The following ATP6V1D variants were observed in gnomAD, a reference collection of about 807,000 sequenced individuals.
ATP6V1D encodes ATPase H+ transporting V1 subunit D.
In ATP6V1D, 20 loss-of-function variants were observed where a neutral mutation model predicts 39.4. The ratio of observed to expected loss-of-function variants is 0.51; its 90% CI spans 0.36 to 0.74. ATP6V1D has a LOEUF of 0.74. ATP6V1D is among the 30% of genes least tolerant of loss of function. The pLI is 0.00. For missense variants in ATP6V1D, 228 were observed against 291.6 expected (o/e 0.78, Z 1.59); for synonymous variants, 100 against 100.5 (o/e 0.99, Z 0.03).
chr14:67,355,624 G>A lies in ATP6V1D; in HGVS notation c.42-2584C>T, dbSNP rs113646332. On this transcript the variant is annotated intron_variant, in intron 1 of 8. Coordinates refer to ENST00000216442, the MANE Select transcript of ATP6V1D (RefSeq NM_015994.4). ...TCTTAAGAGACTAGAACAGCCAAAG[G>A]AGCCAGTTATAAGTTCCGGGGAAAG... is the stretch of plus-strand genomic sequence containing the variant. 7.7e-3 allele frequency among the ~76,000 whole-genome samples: 1,167 copies of A among 152,132 alleles called. 14 individuals carry two copies. Among genetic ancestry groups the A allele is most frequent in the African/African-American group, 0.025 (1,053 of 41,510 alleles).
intron 1 of ATP6V1D, among the ~76,000 whole-genome samples, chr14:67,356,723 T>C (rs2085687421): frequency 6.6e-6 from 1 of 152,180 alleles, no homozygotes; most frequent in Non-Finnish European, 1.5e-5. Flanking sequence ...CCCAAACATG[T>C]GCCTCCCCTT....
chr14:67,359,160 C>A (rs17184217), intron 1 of ATP6V1D, among the ~76,000 whole-genome samples: 1 of 152,138 alleles, frequency 6.6e-6, no homozygotes, highest in Non-Finnish European at 1.5e-5. Flanking sequence ...AGATCGAATC[C>A]GAGGGCTATG....
At chr14:67,341,529 C>G (rs1228788685) in intron 7 of ATP6V1D, among the ~76,000 whole-genome samples, 3 of 151,072 alleles carry the variant, frequency 2.0e-5, no homozygotes, top group Non-Finnish European at 4.4e-5. Flanking sequence ...GTCAGCCCCC[C>G]GCCTGGCCAG....
chr14:67,342,626 G>T (rs2085593695), intron 7 of ATP6V1D, among the ~76,000 whole-genome samples: 1 of 148,618 alleles, frequency 6.7e-6, no homozygotes, highest in Non-Finnish European at 1.5e-5. Flanking sequence ...AGTCAAAAAG[G>T]TTTTTTAAAA....
intron 3 of ATP6V1D, among the ~76,000 whole-genome samples, chr14:67,349,611 G>A (rs2085643516): frequency 6.6e-6 from 1 of 152,186 alleles, no homozygotes; most frequent in Admixed American, 6.5e-5. Flanking sequence ...GAGGCAGGAG[G>A]ATTGTTTGAG....
intron 1 of ATP6V1D, among the ~76,000 whole-genome samples, chr14:67,357,285 C>A (rs2085691824): frequency 6.6e-6 from 1 of 152,238 alleles, no homozygotes; most frequent in Non-Finnish European, 1.5e-5. Context: ...TTAAAACTTG[C>A]TCCTTTACAT....
intron 3 of ATP6V1D, among the ~76,000 whole-genome samples, chr14:67,350,037 T>C (rs1214168255): frequency 6.6e-6 from 1 of 152,262 alleles, no homozygotes; most frequent in Non-Finnish European, 1.5e-5. Context: ...ATGCTTGCCT[T>C]ACCTATCTCA....
chr14:67,347,907 A>G (rs1310238874), intron 4 of ATP6V1D, among the ~76,000 whole-genome samples: 1 of 133,156 alleles, frequency 7.5e-6, no homozygotes, highest in African/African-American at 3.3e-5. Flanking sequence ...GAATTTAGGA[A>G]CTTGCCTTCT....
chr14:67,357,559 T>C (rs537293439), intron 1 of ATP6V1D, among the ~76,000 whole-genome samples: 71 of 152,350 alleles, frequency 4.7e-4, no homozygotes, highest in African/African-American at 1.5e-3. Context: ...CCTCTTAGTC[T>C]CAAAGTAAAA....
rs1053674656 is a variant in ATP6V1D, at chr14:67,359,791, A to G, written c.-93T>C. 5 of 1,456,146 alleles carry G rather than the reference A, an allele frequency of 3.4e-6. No individual in the cohort carries two copies. Among genetic ancestry groups the G allele is most frequent in the Middle Eastern group, 1.9e-4 (1 of 5,282 alleles). The allele number at this position is 1,456,146 out of a possible 1,614,324, so 90.2% of individuals were successfully genotyped here. A position where few individuals can be genotyped will look rare whatever the true frequency, so the allele number is the denominator to read the frequency against. On this transcript the variant is annotated 5_prime_UTR_variant, in exon 1 of 9. Coordinates refer to ENST00000216442, the MANE Select transcript of ATP6V1D (RefSeq NM_015994.4). ...CCTCCACAGTGTCTTCCTCTACGGG[A>G]GTCAGCTGGTTGTGTCACTTGACCC...
chr14:67,352,879 G>T, intron 2 of ATP6V1D, 44 bp downstream of exon 2: 1 of 1,376,914 alleles, frequency 7.3e-7, no homozygotes, highest in Non-Finnish European at 1.0e-6. Context: ...GGCCATGCTG[G>T]ATTTTTCTAA....
At position 67,359,652 on chromosome 14, in the gene ATP6V1D, A is replaced by G; in HGVS notation, c.41+6T>C. On this transcript the variant is annotated splice_donor_region_variant and intron_variant, in intron 1 of 8. Coordinates refer to ENST00000216442, the MANE Select transcript of ATP6V1D (RefSeq NM_015994.4). Reference sequence around the variant, plus strand: ...TGAAAGCGGCTTATCCCATTCCTTTACTTACATTCGCGAGGGAAAGATTTC... The same window carrying G: ...TGAAAGCGGCTTATCCCATTCCTTTGCTTACATTCGCGAGGGAAAGATTTC... 6.2e-7 allele frequency: 1 copy of G among 1,614,064 alleles called. No individual in the cohort carries two copies. Among genetic ancestry groups the G allele is most frequent in the South Asian group, 1.1e-5 (1 of 91,086 alleles).
chr14:67,345,714 A>C (rs1251829163), intron 6 of ATP6V1D, 54 bp downstream of exon 6: 1 of 1,244,084 alleles, frequency 8.0e-7, no homozygotes, highest in Non-Finnish European at 1.2e-6. Flanking sequence ...ACTCTCCTCC[A>C]CTTGACTGTT....
rs1182448075 is a variant in ATP6V1D at position 67,343,429 on chromosome 14, CA to C, written c.465del (p.Phe155LeufsTer10). On this transcript the variant is annotated frameshift_variant, in exon 7 of 9. Transcript: ENST00000216442. LOFTEE classifies it high-confidence loss of function. ...ATCTTAATAGCTTCATCCAAAGTAA[CA>C]AAAGAAGTCTAAAATAAGAACAAAT... ...LVELASLQTS[F>X]VTLDEAIKIT... 1 of 1,603,844 alleles carries C rather than the reference CA, an allele frequency of 6.2e-7. No individual in the cohort carries two copies. Among genetic ancestry groups the C allele is most frequent in the Non-Finnish European group, 8.5e-7 (1 of 1,171,294 alleles).
At chr14:67,348,125 A>C (rs1325336447) in intron 4 of ATP6V1D, among the ~76,000 whole-genome samples, 2 of 150,244 alleles carry the variant, frequency 1.3e-5, no homozygotes, top group South Asian at 4.2e-4. Context: ...CCTGGGCTGG[A>C]GTACAATGGC....
rs767148771 is a variant in ATP6V1D at position 67,342,557 on chromosome 14, C to CTTT, written c.523+812_523+814dup. Among the ~76,000 whole-genome samples the CTTT allele has an allele frequency of 2.5e-3, 345 of 136,958 alleles. 5 individuals are homozygous for CTTT. The highest frequency in any genetic ancestry group is 7.4e-3 in the Middle Eastern group (2 of 272). The allele number at this position is 136,958 out of a possible 152,430, so 89.8% of individuals were successfully genotyped here. On this transcript the variant is annotated intron_variant, in intron 7 of 8. Coordinates refer to ENST00000216442, the MANE Select transcript of ATP6V1D (RefSeq NM_015994.4). ...CTGAGGGTAAGAACTACGAATTATC[C>CTTT]TTTTTTTTTTTTTTTTCTTTGCTTC... is the stretch of plus-strand genomic sequence containing the variant.
intron 7 of ATP6V1D, 70 bp from the exon 8 acceptor site, chr14:67,340,588 T>G: frequency 8.0e-7 from 1 of 1,245,006 alleles, no homozygotes. Flanking sequence ...AGTGCTCATT[T>G]GTATAACAGT....
chr14:67,353,147 A>G lies in ATP6V1D; in HGVS notation c.42-107T>C, dbSNP rs2085666715. On this transcript the variant is annotated intron_variant, in intron 1 of 8. Coordinates refer to ENST00000216442, the MANE Select transcript of ATP6V1D (RefSeq NM_015994.4). ...TATCCTTTATCCTTTGATGTGATGA[A>G]AGTGAGACTATATAGAGAATTTGTA... is the stretch of plus-strand genomic sequence containing the variant. 16 of 796,550 alleles carry G rather than the reference A, an allele frequency of 2.0e-5. No homozygotes were observed. In the South Asian group the frequency reaches 3.1e-4, roughly 16 times the overall value. 49.3% of individuals were successfully genotyped at this position (796,550 alleles called of 1,614,324 possible).
chr14:67,358,912 T>A (rs1454286101), intron 1 of ATP6V1D, among the ~76,000 whole-genome samples: 2 of 152,154 alleles, frequency 1.3e-5, no homozygotes, highest in Non-Finnish European at 2.9e-5. Flanking sequence ...CAAGAAATAT[T>A]TTTTTGTGGA....
Sources: allele counts gnomAD v4.1 joint callset (sites outside exome capture counted in the v4.1 genomes callset), GRCh38; gene constraint gnomAD v4.1.1; transcripts MANE v1.5; gene names NCBI Gene and HGNC (gene_info 2026-07-23, HGNC 2026-07-21).